The following DPYSL3 variants were observed in gnomAD, a reference collection of about 807,000 sequenced individuals.
DPYSL3 encodes the protein dihydropyrimidinase like 3.
Under a neutral mutation model 66.1 loss-of-function variants are expected in DPYSL3, and 16 were observed. The ratio of observed to expected loss-of-function variants is 0.24; its 90% CI spans 0.16 to 0.37. The LOEUF (loss-of-function observed/expected upper bound fraction) is 0.37. Ranked by LOEUF, DPYSL3 falls within the 10% of genes least tolerant of loss-of-function variation. DPYSL3 has a pLI of 1.00. For missense variants in DPYSL3, 738 were observed against 916.2 expected (o/e 0.81, Z 2.51); for synonymous variants, 338 against 345.1 (o/e 0.98, Z 0.23).
At chr5:147,496,932 C>T (rs1295099166) in intron 1 of DPYSL3, among the ~76,000 whole-genome samples, 3 of 151,954 alleles carry the variant, frequency 2.0e-5, no homozygotes, top group Non-Finnish European at 2.9e-5. Flanking sequence ...ATCATGCTGC[C>T]ATAAAGACAC....
chr5:147,464,276 C>T (rs1020432255), intron 1 of DPYSL3, among the ~76,000 whole-genome samples: 1 of 152,144 alleles, frequency 6.6e-6, no homozygotes, highest in African/African-American at 2.4e-5. Context: ...ATGCAAGAAC[C>T]AAGGGGAAGA....
At chr5:147,403,844 TCCACC>T (rs1247080130) in intron 8 of DPYSL3, among the ~76,000 whole-genome samples, 1 of 152,114 alleles carries the variant, frequency 6.6e-6, no homozygotes, top group East Asian at 1.9e-4. Context: ...ATACCCCCAT[TCCACC>T]CCGGAGACAC....
At chr5:147,457,905 C>T (rs900797274) in intron 1 of DPYSL3, among the ~76,000 whole-genome samples, 6 of 152,288 alleles carry the variant, frequency 3.9e-5, no homozygotes, top group East Asian at 1.9e-4. Flanking sequence ...GGTATATTTC[C>T]GGGAAGGACT....
chr5:147,404,797 T>C (rs1052307953), intron 8 of DPYSL3, among the ~76,000 whole-genome samples: 1 of 152,174 alleles, frequency 6.6e-6, no homozygotes, highest in Non-Finnish European at 1.5e-5. Context: ...ATGAAGGCCA[T>C]GGTGGCCAAT....
At chr5:147,453,762 A>G in intron 1 of DPYSL3, 2 of 1,313,118 alleles carry the variant, frequency 1.5e-6, no homozygotes, top group South Asian at 4.3e-5. Flanking sequence ...CGGCTGCCAG[A>G]GACAATAGTA....
intron 1 of DPYSL3, among the ~76,000 whole-genome samples, chr5:147,476,911 G>A (rs1410767767): frequency 1.3e-5 from 2 of 152,142 alleles, no homozygotes; most frequent in Non-Finnish European, 2.9e-5. Flanking sequence ...ACACCCTTTA[G>A]ATGCTTTAGA....
At chr5:147,499,276 G>T (rs531104428) in intron 1 of DPYSL3, among the ~76,000 whole-genome samples, 1 of 152,230 alleles carries the variant, frequency 6.6e-6, no homozygotes, top group East Asian at 1.9e-4. Flanking sequence ...AAGCCCTCAG[G>T]AACTAGTAAG....
At chr5:147,430,439 G>A (rs184738036) in intron 1 of DPYSL3, among the ~76,000 whole-genome samples, 1 of 151,532 alleles carries the variant, frequency 6.6e-6, no homozygotes, top group African/African-American at 2.4e-5. Context: ...GAACCTGGGA[G>A]GCAGAGATTG....
intron 3 of DPYSL3, among the ~76,000 whole-genome samples, chr5:147,416,318 T>G (rs1751967397): frequency 6.6e-6 from 1 of 152,054 alleles, no homozygotes; most frequent in South Asian, 2.1e-4. Context: ...AAGGTCAGAC[T>G]CTCTTCCAAG....
At chr5:147,453,063 G>C (rs1202527995) in intron 1 of DPYSL3, among the ~76,000 whole-genome samples, 6 of 152,132 alleles carry the variant, frequency 3.9e-5, no homozygotes, top group Non-Finnish European at 8.8e-5. Flanking sequence ...TGCCACCCTC[G>C]CGGCGCAGGG....
At chr5:147,508,154 CTAAA>C (rs893076472) in intron 1 of DPYSL3, among the ~76,000 whole-genome samples, 2 of 152,192 alleles carry the variant, frequency 1.3e-5, no homozygotes. Flanking sequence ...AAATCACAAA[CTAAA>C]TGAATGATTT....
At chr5:147,422,249 A>G (rs1752095912) in intron 2 of DPYSL3, among the ~76,000 whole-genome samples, 1 of 152,236 alleles carries the variant, frequency 6.6e-6, no homozygotes, top group African/African-American at 2.4e-5. Flanking sequence ...CATATGAAAA[A>G]AAGCTCATCA....
rs1752093887 is a variant in DPYSL3 at position 147,422,153 on chromosome 5, G to GA, written c.470+2721dup. Among the ~76,000 whole-genome samples, 3 of 151,660 alleles carry GA rather than the reference G, an allele frequency of 2.0e-5. No individual in the cohort carries two copies. The South Asian group carries it at 6.2e-4, about 32-fold the overall frequency. On this transcript the variant is annotated intron_variant, in intron 2 of 13. Transcript: ENST00000343218. ...ACAAGGAACTTAAACAACTTTACAA[G>GA]AAAAAAACAAACAACCCCATCAAAA...
At chr5:147,452,469 A>ACC (rs375290767) in intron 1 of DPYSL3, among the ~76,000 whole-genome samples, 3,284 of 150,808 alleles carry the variant, frequency 0.022, 122 homozygotes, top group African/African-American at 0.072. Flanking sequence ...ACACACACAC[A>ACC]CCATCCAATT....
At chr5:147,418,729 T>A (rs1337725941) in intron 2 of DPYSL3, 98 bp from the exon 3 acceptor site, 1 of 1,069,626 alleles carries the variant, frequency 9.3e-7, no homozygotes, top group Middle Eastern at 2.2e-4. Context: ...TTAAACAGTG[T>A]TACTTGTATT....
chr5:147,437,322 CAGAGG>C (rs1752430777), intron 1 of DPYSL3, among the ~76,000 whole-genome samples: 1 of 152,186 alleles, frequency 6.6e-6, no homozygotes, highest in Non-Finnish European at 1.5e-5. Flanking sequence ...ATGCAACTCC[CAGAGG>C]AGGAATGCGG....
chr5:147,397,155 CATGTATGT>C (rs10561142), intron 12 of DPYSL3, among the ~76,000 whole-genome samples: 1 of 148,962 alleles, frequency 6.7e-6, no homozygotes, highest in African/African-American at 2.5e-5. Flanking sequence ...CATTTGCACA[CATGTATGT>C]ATCTATAGAC....
chr5:147,508,608 T>C (rs1251782154), intron 1 of DPYSL3, among the ~76,000 whole-genome samples: 1 of 152,098 alleles, frequency 6.6e-6, no homozygotes, highest in Non-Finnish European at 1.5e-5. Context: ...GACACATAAA[T>C]CAGGGCAAGC....
intron 1 of DPYSL3, among the ~76,000 whole-genome samples, chr5:147,488,410 C>T (rs969862400): frequency 7.1e-4 from 108 of 152,294 alleles, no homozygotes; most frequent in African/African-American, 2.6e-3. Context: ...GATGTGAGTC[C>T]TATCTCTGCC....
Sources: allele counts gnomAD v4.1 joint callset (sites outside exome capture counted in the v4.1 genomes callset), GRCh38; gene constraint gnomAD v4.1.1; transcripts MANE v1.5; gene names NCBI Gene and HGNC (gene_info 2026-07-23, HGNC 2026-07-21).